AOX1: variants seen among roughly 807,000 people sequenced by gnomAD.
The protein encoded by AOX1 is aldehyde oxidase 1, also known as aldehyde oxidase.
AOX1 carries 153 observed loss-of-function variants against 169.5 expected under a neutral mutation model. The ratio of observed to expected loss-of-function variants is 0.90; its 90% confidence interval spans 0.79 to 1.03. The LOEUF (loss-of-function observed/expected upper bound fraction) is 1.03. AOX1 is among the 50% of genes least tolerant of loss of function. The pLI, the probability that AOX1 is intolerant of heterozygous loss-of-function variation, is 0.00. For synonymous variants in AOX1, 562 were observed against 581.9 expected, an observed-to-expected ratio of 0.97 and a Z score of 0.49; for missense variants, 1,656 against 1,663.9, an observed-to-expected ratio of 1.00 and a Z score of 0.08.
At chr2:200,646,879 G>A (rs547113021) in intron 25 of AOX1, among the ~76,000 whole-genome samples, 1 of 152,238 alleles carries the variant, frequency 6.6e-6, no homozygotes, top group Non-Finnish European at 1.5e-5. Context: ...AGACAGAATA[G>A]CTACTCCTGC....
chr2:200,594,876 A>T (rs756875409), intron 2 of AOX1, among the ~76,000 whole-genome samples: 3 of 152,254 alleles, frequency 2.0e-5, no homozygotes, highest in Admixed American at 6.5e-5. Context: ...TGACACAAAT[A>T]TTCCAAGCAT....
chr2:200,589,792 G>A (rs1261568624), intron 1 of AOX1, among the ~76,000 whole-genome samples: 2 of 152,152 alleles, frequency 1.3e-5, no homozygotes, highest in African/African-American at 4.8e-5. Context: ...TTTTGGTACT[G>A]GTGTAGGAAT....
rs2034451722 is a variant in AOX1, at chr2:200,603,325, A to G, written c.557A>G (p.Asn186Ser). 3 of 1,614,014 alleles carry G rather than the reference A, an allele frequency of 1.9e-6. No homozygotes were observed. The highest frequency in any genetic ancestry group is 2.2e-5 in the East Asian group (1 of 44,862). The stretch of plus-strand genomic sequence containing the variant: ...GTTTGCTGTTTGGATCAAGGAATCA[A>G]TGGATTGCCAGAATTTGAGGAAGGA... Reference protein sequence around the residue: ...NGVCCLDQGINGLPEFEEGSK... With the variant: ...NGVCCLDQGISGLPEFEEGSK... The change falls in exon 7 of 35, where the codon AAT becomes AGT. Residue 186 changes from asparagine to serine, a missense_variant. By Grantham distance (46) the Asn-to-Ser change is conservative (BLOSUM62 1). Coordinates refer to ENST00000374700, the MANE Select transcript of AOX1 (RefSeq NM_001159.4).
intron 28 of AOX1, among the ~76,000 whole-genome samples, chr2:200,659,565 C>G (rs548196382): frequency 1.6e-4 from 24 of 152,308 alleles, no homozygotes; most frequent in African/African-American, 5.8e-4. Flanking sequence ...GTTAGTATCA[C>G]TTTAAGACAG....
In AOX1 at chr2:200,670,738, A is replaced by G. The variant is rs1559264935; in HGVS notation, c.*59A>G. 10 of 1,346,568 alleles carry G rather than the reference A, an allele frequency of 7.4e-6. No homozygotes were observed. Among genetic ancestry groups the G allele is most frequent in the South Asian group, 3.6e-5 (3 of 83,898 alleles). 83.4% of individuals were successfully genotyped at this position (1,346,568 alleles called of 1,614,324 possible). On this transcript the variant is annotated 3_prime_UTR_variant, in exon 35 of 35. Transcript: ENST00000374700. ...CTCTTCCCAGATGGCAATCTGTCCTATCTCTGTGCTGGAAGATGCTAGATC... is the reference window on the plus strand; with the variant it reads ...CTCTTCCCAGATGGCAATCTGTCCTGTCTCTGTGCTGGAAGATGCTAGATC...
At chr2:200,634,473 C>T (rs922918388) in intron 20 of AOX1, among the ~76,000 whole-genome samples, 5 of 152,190 alleles carry the variant, frequency 3.3e-5, no homozygotes, top group Non-Finnish European at 7.3e-5. Flanking sequence ...CGCATTCTCA[C>T]ATTCCTACGC....
chr2:200,633,790 T>C (rs1361134841), intron 20 of AOX1, among the ~76,000 whole-genome samples: 1 of 152,250 alleles, frequency 6.6e-6, no homozygotes, highest in African/African-American at 2.4e-5. Flanking sequence ...ATTTTAGATA[T>C]TATGTAATGA....
At position 200,595,336 on chromosome 2, in the gene AOX1, A is replaced by G. The variant is rs1272210647; in HGVS notation, c.168A>G (p.Ile56Met). The G allele has an allele frequency of 6.2e-7, 1 of 1,613,038 alleles. No homozygotes were observed. The highest frequency in any genetic ancestry group is 1.3e-5 in the African/African-American group (1 of 75,016). The change falls in exon 3 of 35, where the codon ATA (isoleucine) becomes ATG (methionine). Residue 56 changes from isoleucine (I) to methionine (M), a missense_variant. Transcript: ENST00000374700. ...GCTGTGGTGCTTGTACAGTGATGATATCACGATACAACCCCATCACCAAGA... is the reference window on the plus strand; with the variant it reads ...GCTGTGGTGCTTGTACAGTGATGATGTCACGATACAACCCCATCACCAAGA... The part of the protein sequence containing the change: ...GGGCGACTVM[I>M]SRYNPITKRI...
rs538932862 is a variant in AOX1, at chr2:200,642,241, G to A, written c.2656-369G>A. ...CTCCCCATTGAGAACCAATACATTA[G>A]ACCCAATGCCAAAACATTTTTTTCT... On this transcript the variant is annotated intron_variant, in intron 24 of 34. Coordinates refer to ENST00000374700, the MANE Select transcript of AOX1 (RefSeq NM_001159.4). Among the ~76,000 whole-genome samples the A allele has an allele frequency of 2.0e-5, 3 of 152,210 alleles. No individual in the cohort carries two copies. The South Asian group carries it at 6.2e-4, about 32-fold the overall frequency.
chr2:200,643,498 G>A (rs1458218102), intron 25 of AOX1, among the ~76,000 whole-genome samples: 2 of 152,038 alleles, frequency 1.3e-5, no homozygotes, highest in African/African-American at 4.8e-5. Flanking sequence ...TTGTTATTGT[G>A]AATTGTGCTA....
In AOX1 at chr2:200,621,193, G is replaced by A. The variant is rs777309422; in HGVS notation, c.1948G>A (p.Val650Ile). ...DIMTAEHLSD[V>I]NSFCFFTEAE... Reference sequence around the variant, plus strand: ...CATGACAGCAGAACATCTTAGTGACGTCAACTCCTTCTGCTTTTTTACTGA... The same window carrying A: ...CATGACAGCAGAACATCTTAGTGACATCAACTCCTTCTGCTTTTTTACTGA... Residue 650 changes from valine (V) to isoleucine (I), a missense_variant, in exon 18 of 35, where the codon GTC (valine) becomes ATC (isoleucine). Val to Ile is a conservative substitution (Grantham distance 29). Coordinates refer to ENST00000374700, the MANE Select transcript of AOX1 (RefSeq NM_001159.4). The A allele has an allele frequency of 7.8e-5, 126 of 1,613,988 alleles. No individual in the cohort carries two copies. The highest frequency in any genetic ancestry group is 1.6e-4 in the Middle Eastern group (1 of 6,080).
rs78076828 is a variant in AOX1, at chr2:200,668,440, C to A, written c.3610-175C>A. ...GAACTTCTTTTAACTTAATGCTGAA[C>A]AAACATGTTTAAAATGGCTTTTAGA... On this transcript the variant is annotated intron_variant, in intron 32 of 34. Coordinates refer to ENST00000374700, the MANE Select transcript of AOX1 (RefSeq NM_001159.4). 4.7e-3 allele frequency among the ~76,000 whole-genome samples: 709 copies of A among 152,216 alleles called. 11 individuals carry two copies. Among genetic ancestry groups the A allele is most frequent in the African/African-American group, 0.017 (688 of 41,546 alleles).
downstream of AOX1, chr2:200,679,517 TGA>T (rs1442610199): frequency 2.0e-5 from 3 of 152,220 alleles, no homozygotes; most frequent in Non-Finnish European, 4.4e-5. Flanking sequence ...AGATGGCAGG[TGA>T]AGGTCTCTGT....
At chr2:200,627,258 C>T in intron 19 of AOX1, 95 bp from the exon 20 acceptor site, 1 of 789,958 alleles carries the variant, frequency 1.3e-6, no homozygotes, top group Non-Finnish European at 2.1e-6. Flanking sequence ...AAGGGAGAAA[C>T]AACCCCTGCT....
At chr2:200,607,569 G>A (rs2960200) in intron 10 of AOX1, among the ~76,000 whole-genome samples, 53,723 of 151,930 alleles carry the variant, frequency 0.35, 9,590 homozygotes, top group East Asian at 0.44. Context: ...TGATTCCTCA[G>A]GGATCTAGAA....
intron 6 of AOX1, 109 bp downstream of exon 6, chr2:200,602,454 T>A: frequency 1.1e-6 from 1 of 920,864 alleles, no homozygotes; most frequent in Non-Finnish European, 1.7e-6. Context: ...TGGCTACTTC[T>A]TATCTCCAGG....
At chr2:200,593,311 C>G (rs1393270772) in intron 2 of AOX1, 108 bp downstream of exon 2, 7 of 902,542 alleles carry the variant, frequency 7.8e-6, no homozygotes, top group African/African-American at 4.9e-5. Flanking sequence ...GAGACATATT[C>G]CCTACTATCA....
At position 200,662,909 on chromosome 2, in the gene AOX1, C is replaced by T. The variant is rs2105771545; in HGVS notation, c.3483C>T (p.Tyr1161=). The T allele has an allele frequency of 7.4e-6, 12 of 1,614,042 alleles. No individual in the cohort carries two copies. The highest frequency in any genetic ancestry group is 1.0e-5 in the Non-Finnish European group (12 of 1,179,950). The change falls in exon 31 of 35, where the codon TAC becomes TAT. Residue 1161 remains tyrosine, a synonymous_variant. Transcript: ENST00000374700. ...WEKGEGQPFE[Y]FVYGAACSEV... is the part of the protein sequence containing the mutation. ...AAGGCGAAGGCCAGCCCTTCGAATA[C>T]TTTGTTTATGGAGCTGCCTGTTCCG...
chr2:200,666,767 T>A lies in AOX1; in HGVS notation c.3609+15T>A. On this transcript the variant is annotated intron_variant, in intron 32 of 34. Coordinates refer to ENST00000374700, the MANE Select transcript of AOX1 (RefSeq NM_001159.4). ...ACATAGGCCAGGTACGTGTAACTGA[T>A]GTGTCTCACTTTCTATTTGTAAAAG... 1.2e-6 allele frequency: 2 copies of A among 1,600,050 alleles called. No homozygotes were observed. The highest frequency in any genetic ancestry group is 1.7e-6 in the Non-Finnish European group (2 of 1,172,660).
Sources: gnomAD v4.1 joint callset for allele counts (sites outside exome capture counted in the v4.1 genomes callset) on GRCh38, gnomAD v4.1.1 for gene constraint, MANE v1.5 for transcripts, NCBI Gene and HGNC (gene_info 2026-07-23, HGNC 2026-07-21) for gene names.